Variants in RIPOR2 observed in about 807,000 individuals in gnomAD.
RIPOR2 encodes the protein rho family-interacting cell polarization regulator 2.
Under a neutral mutation model 114.5 loss-of-function variants are expected in RIPOR2, and 39 were observed. The ratio of observed to expected loss-of-function variants is 0.34; its 90% CI spans 0.26 to 0.44. The LOEUF is 0.44. Among genes scored for constraint, RIPOR2 ranks in the 20% least tolerant of loss-of-function variants. The probability of loss-of-function intolerance (pLI) is 1.00; values close to 1 mark genes in which losing one functional copy is unlikely to be tolerated. For missense variants in RIPOR2, 1,007 were observed against 1,255.1 expected (o/e 0.80, Z 2.99); for synonymous variants, 445 against 484.4 (o/e 0.92, Z 1.07).
intron 1 of RIPOR2, among the ~76,000 whole-genome samples, chr6:24,975,211 C>A (rs145114534): frequency 2.5e-3 from 388 of 152,240 alleles, no homozygotes; most frequent in African/African-American, 7.5e-3. Flanking sequence ...TTGTAAATTT[C>A]ACCAAACTAC....
At chr6:24,850,091 C>CTTTTTTTTT in intron 10 of RIPOR2, 141 bp from the exon 11 acceptor site, 1 of 528,118 alleles carries the variant, frequency 1.9e-6, no homozygotes, top group East Asian at 3.6e-5. Context: ...TTTCATTTTT[C>CTTTTTTTTT]TTTTTCTTTT....
intron 1 of RIPOR2, among the ~76,000 whole-genome samples, chr6:24,915,330 C>A (rs562456082): frequency 1.1e-4 from 17 of 151,610 alleles, no homozygotes; most frequent in South Asian, 6.2e-4. Context: ...GCTGCTCTGA[C>A]CAATCTTTCT....
intron 1 of RIPOR2, among the ~76,000 whole-genome samples, chr6:24,891,202 C>T (rs1767323717): frequency 6.6e-6 from 1 of 152,002 alleles, no homozygotes; most frequent in African/African-American, 2.4e-5. Flanking sequence ...TCCCAGAGGC[C>T]TGTACACATG....
intron 1 of RIPOR2, among the ~76,000 whole-genome samples, chr6:24,971,389 T>A (rs9461087): frequency 0.078 from 11,913 of 152,288 alleles, 985 homozygotes; most frequent in African/African-American, 0.21. Flanking sequence ...GATATAGGGA[T>A]ACAGGAATGA....
In RIPOR2 at chr6:24,835,957, C is replaced by T. The variant is rs191415929; in HGVS notation, c.2040-86G>A. ...CCACATGGTTTGCATCGGGCCCCAACAGCACCCACTGAAAACAGTCTTTCA... is the reference window on the plus strand; with the variant it reads ...CCACATGGTTTGCATCGGGCCCCAATAGCACCCACTGAAAACAGTCTTTCA... On this transcript the variant is annotated intron_variant, in intron 14 of 21. Transcript: ENST00000643898. 3 of 1,255,970 alleles carry T rather than the reference C, an allele frequency of 2.4e-6. No individual in the cohort carries two copies. The Admixed American group carries it at 6.5e-5, about 27-fold the overall frequency. 77.8% of individuals were successfully genotyped at this position (1,255,970 alleles called of 1,614,324 possible). A position where few individuals can be genotyped will look rare whatever the true frequency, so the allele number is the denominator to read the frequency against.
chr6:24,898,851 A>G (rs926850), intron 1 of RIPOR2, among the ~76,000 whole-genome samples: 111,138 of 152,002 alleles, frequency 0.73, 41,861 homozygotes, highest in African/African-American at 0.93. Context: ...GTCATAACAA[A>G]AACATATTTA....
intron 19 of RIPOR2, among the ~76,000 whole-genome samples, chr6:24,824,129 C>T (rs1759944806): frequency 2.0e-5 from 3 of 152,214 alleles, no homozygotes; most frequent in Admixed American, 2.0e-4. Flanking sequence ...CACAGACCTG[C>T]TCCCCATAAA....
intron 1 of RIPOR2, among the ~76,000 whole-genome samples, chr6:24,926,852 CCAA>C (rs1273092309): frequency 7.9e-5 from 12 of 151,716 alleles, no homozygotes; most frequent in African/African-American, 2.4e-4. Flanking sequence ...ATCATCACCA[CCAA>C]CATCATCATC....
At chr6:24,950,151 C>T (rs1009075239) in intron 1 of RIPOR2, among the ~76,000 whole-genome samples, 2 of 152,138 alleles carry the variant, frequency 1.3e-5, no homozygotes, top group Non-Finnish European at 2.9e-5. Context: ...ATCAAATGTT[C>T]CTGGAAGAGC....
chr6:24,960,895 C>G (rs1773271958), intron 1 of RIPOR2, among the ~76,000 whole-genome samples: 1 of 152,094 alleles, frequency 6.6e-6, no homozygotes, highest in African/African-American at 2.4e-5. Flanking sequence ...CCTCCAGCCC[C>G]CAAGACTCTC....
rs369739589 is a variant in RIPOR2, at chr6:25,038,575, C to A, written c.76+3276G>T. ...ATGGAGAGGGTCATGTGGCAGAGAA[C>A]AATGGGTGGCCTTTAGTTGCTGAAG... On this transcript the variant is annotated intron_variant, in intron 1 of 13. Transcript: ENST00000510784. Among the ~76,000 whole-genome samples the A allele has an allele frequency of 1.4e-4, 21 of 152,312 alleles. No individual in the cohort carries two copies. In the East Asian group the frequency reaches 3.7e-3, roughly 27 times the overall value.
upstream of RIPOR2, among the ~76,000 whole-genome samples, chr6:24,939,677 C>T (rs991359185): frequency 6.6e-6 from 1 of 152,108 alleles, no homozygotes; most frequent in African/African-American, 2.4e-5. Flanking sequence ...ATGTAGGTCA[C>T]AGAGAGTAGT....
chr6:24,871,020 G>A (rs1765113604), intron 4 of RIPOR2, 131 bp from the exon 5 acceptor site: 1 of 552,814 alleles, frequency 1.8e-6, no homozygotes, highest in Non-Finnish European at 3.1e-6. Context: ...AATTCTACTG[G>A]ATGTTTTACT....
At chr6:25,017,661 A>C (rs1225710916) in intron 1 of RIPOR2, among the ~76,000 whole-genome samples, 1 of 152,220 alleles carries the variant, frequency 6.6e-6, no homozygotes, top group Non-Finnish European at 1.5e-5. Context: ...AGGAGTAACC[A>C]AGTGGTAAAC....
Position 24,935,913 on chromosome 6 carries a change from G to A in RIPOR2, c.-15C>T, listed in dbSNP as rs1437920510. 4 of 1,531,748 alleles carry A rather than the reference G, an allele frequency of 2.6e-6. No individual in the cohort carries two copies. Among genetic ancestry groups the A allele is most frequent in the Non-Finnish European group, 2.6e-6 (3 of 1,143,442 alleles). 94.9% of individuals were successfully genotyped at this position (1,531,748 alleles called of 1,614,324 possible). ...AAAAACTGCATCTTGGAGAGGACAG[G>A]CGCGAGAAGCAGCAGGCAGCAGCCC... On this transcript the variant is annotated 5_prime_UTR_variant, in exon 1 of 22. Coordinates refer to ENST00000643898, the MANE Select transcript of RIPOR2 (RefSeq NM_001286445.3).
intron 1 of RIPOR2, among the ~76,000 whole-genome samples, chr6:24,892,987 T>C (rs1379062021): frequency 1.3e-5 from 2 of 152,294 alleles, no homozygotes; most frequent in Non-Finnish European, 2.9e-5. Context: ...AGTTATGATC[T>C]TGCCACTGAC....
intron 1 of RIPOR2, among the ~76,000 whole-genome samples, chr6:25,010,009 G>A (rs1775714744): frequency 6.6e-6 from 1 of 152,170 alleles, no homozygotes; most frequent in South Asian, 2.1e-4. Flanking sequence ...GAGAGACAGA[G>A]GATCAAGAAC....
At chr6:25,036,685 G>T (rs914057359) in intron 1 of RIPOR2, among the ~76,000 whole-genome samples, 2 of 152,134 alleles carry the variant, frequency 1.3e-5, no homozygotes, top group African/African-American at 4.8e-5. Flanking sequence ...AAGCCACCAC[G>T]CTAGGCTAGA....
chr6:24,873,935 G>A (rs1470145558), intron 2 of RIPOR2, 136 bp from the exon 3 acceptor site: 2 of 732,850 alleles, frequency 2.7e-6, no homozygotes, highest in African/African-American at 3.6e-5. Context: ...GTATGGTGGT[G>A]TGATCATAGC....
Sources: allele counts gnomAD v4.1 joint callset (sites outside exome capture counted in the v4.1 genomes callset), GRCh38; gene constraint gnomAD v4.1.1; transcripts MANE v1.5; gene names NCBI Gene and HGNC (gene_info 2026-07-23, HGNC 2026-07-21).